Variants in DYRK2 observed in about 807,000 individuals in gnomAD.
The protein encoded by DYRK2 is dual specificity tyrosine phosphorylation regulated kinase 2, also known as dual specificity tyrosine-phosphorylation-regulated kinase 2.
Under a neutral mutation model 41.6 loss-of-function variants are expected in DYRK2, and 12 were observed. That is an observed-to-expected ratio of 0.29 (90% confidence interval 0.18 to 0.47). The LOEUF (loss-of-function observed/expected upper bound fraction) is 0.47, where lower values mean the gene tolerates loss of function less well. DYRK2 is among the 20% of genes least tolerant of loss of function. The pLI is 1.00. For synonymous variants in DYRK2, 322 were observed against 315.7 expected (o/e 1.02, Z -0.21); for missense variants, 678 against 798.4 (o/e 0.85, Z 1.82).
chr12:67,657,364 C>T lies in DYRK2; in HGVS notation c.457C>T (p.Pro153Ser). ...AGGCATGGGGAAGGTGAAAGCCACCCCCATGACACCTGAACAAGCAATGAA... is the reference window on the plus strand; with the variant it reads ...AGGCATGGGGAAGGTGAAAGCCACCTCCATGACACCTGAACAAGCAATGAA... The part of the protein sequence containing the change: ...MEGMGKVKAT[P>S]MTPEQAMKQY... Residue 153 changes from proline to serine, a missense_variant, in exon 3 of 3, where the codon CCC becomes TCC. Around this residue, in one of 2 missense-constraint regions of DYRK2, gnomAD observed 285 missense variants for 279.2 expected, o/e 1.02. Coordinates refer to ENST00000344096, the MANE Select transcript of DYRK2 (RefSeq NM_006482.3). The surrounding 1 kb of genome is among the most constrained non-coding windows in gnomAD (Gnocchi z 4.8). The T allele has an allele frequency of 6.2e-7, 1 of 1,614,128 alleles. No homozygotes were observed. Among genetic ancestry groups the T allele is most frequent in the Non-Finnish European group, 8.5e-7 (1 of 1,180,024 alleles).
At position 67,663,043 on chromosome 12, in the gene DYRK2, C is replaced by T. The variant is rs187712291; in HGVS notation, c.*4330C>T. 7.2e-5 allele frequency: 11 copies of T among 152,180 alleles called. No individual in the cohort carries two copies. In the East Asian group the frequency reaches 1.7e-3, roughly 24 times the overall value. 9.4% of individuals were successfully genotyped at this position (152,180 alleles called of 1,614,324 possible). A position where few individuals can be genotyped will look rare whatever the true frequency, so the allele number is the denominator to read the frequency against. On this transcript the variant is annotated 3_prime_UTR_variant, in exon 3 of 3. Coordinates refer to ENST00000344096, the MANE Select transcript of DYRK2 (RefSeq NM_006482.3). ...GATAGTTAAGCTGGGGGAGCAGAAC[C>T]TGTCAATTATTCCCCACCAGTCTTC...
rs1388356722 is a variant in DYRK2 at position 67,664,417 on chromosome 12, T to A, written c.*5704T>A. The A allele has an allele frequency of 2.0e-5, 3 of 152,142 alleles. No homozygotes were observed. The highest frequency in any genetic ancestry group is 4.4e-5 in the Non-Finnish European group (3 of 68,004). The allele number at this position is 152,142 out of a possible 1,614,324, so 9.4% of individuals were successfully genotyped here. A position where few individuals can be genotyped will look rare whatever the true frequency, so the allele number is the denominator to read the frequency against. On this transcript the variant is annotated 3_prime_UTR_variant, in exon 3 of 3. Transcript: ENST00000344096. ...GCAGCAAGAATATATTATGATTGTA[T>A]CACATGTTCCAGAAGAGCATTACCC... is the stretch of plus-strand genomic sequence containing the variant.
chr12:67,651,088 C>T (rs149094116), intron 2 of DYRK2, among the ~76,000 whole-genome samples: 1 of 152,122 alleles, frequency 6.6e-6, no homozygotes, highest in African/African-American at 2.4e-5. Context: ...TTACTATCTT[C>T]CCCCTCCCTC....
At position 67,657,837 on chromosome 12, in the gene DYRK2, G is replaced by A. The variant is rs755048915; in HGVS notation, c.930G>A (p.Glu310=). The change falls in exon 3 of 3, where the codon GAG becomes GAA. Residue 310 remains glutamate, a synonymous_variant. Coordinates refer to ENST00000344096, the MANE Select transcript of DYRK2 (RefSeq NM_006482.3). The surrounding 1 kb of genome is among the most constrained non-coding windows in gnomAD (Gnocchi z 4.8). ...TFELLSMNLY[E]LIKKNKFQGF... is the part of the protein sequence containing the mutation. ...AGCTGCTGAGCATGAACCTCTATGA[G>A]CTCATCAAGAAGAATAAATTCCAGG... The A allele has an allele frequency of 1.9e-6, 3 of 1,614,182 alleles. No individual in the cohort carries two copies. Among genetic ancestry groups the A allele is most frequent in the South Asian group, 1.1e-5 (1 of 91,080 alleles).
At position 67,657,741 on chromosome 12, in the gene DYRK2, G is replaced by T; in HGVS notation, c.834G>T (p.Lys278Asn). 2 of 1,614,178 alleles carry T rather than the reference G, an allele frequency of 1.2e-6. No individual in the cohort carries two copies. The highest frequency in any genetic ancestry group is 1.7e-6 in the Non-Finnish European group (2 of 1,180,046). The change falls in exon 3 of 3, where the codon AAG (lysine) becomes AAT (asparagine). Residue 278 changes from lysine (K) to asparagine (N), a missense_variant. Physicochemically the swap from Lys to Asn is moderately conservative, Grantham distance 94. Coordinates refer to ENST00000344096, the MANE Select transcript of DYRK2 (RefSeq NM_006482.3). The surrounding 1 kb of genome is among the most constrained non-coding windows in gnomAD (Gnocchi z 4.8). ...TGGAACACCTGCGGAAGCAGGACAA[G>T]GATAACACAATGAATGTCATCCATA... is the stretch of plus-strand genomic sequence containing the variant. ...RILEHLRKQD[K>N]DNTMNVIHML...
chr12:67,649,687 C>T, intron 1 of DYRK2, 110 bp from the exon 2 acceptor site: 1 of 1,176,948 alleles, frequency 8.5e-7, no homozygotes, highest in Non-Finnish European at 1.1e-6. Flanking sequence ...GTCTCTTCCT[C>T]CGTCTTTCTT....
At position 67,648,946 on chromosome 12, in the gene DYRK2, CGGCGGGCCCCGGCCGAGGG is replaced by C; in HGVS notation, c.-186_-168del. On this transcript the variant is annotated 5_prime_UTR_variant, in exon 1 of 3. An upstream open reading frame in the 5' UTR gains an earlier in-frame stop. Transcript: ENST00000344096. ...GAGGAGGAGAGCGGGGGGCTCGCGGCGGCGGGCCCCGGCCGAGGGGATGCAGTGGACTGTGTGTGTCTGG... is the reference window on the plus strand; with the variant it reads ...GAGGAGGAGAGCGGGGGGCTCGCGGCGATGCAGTGGACTGTGTGTGTCTGG... 2.5e-6 allele frequency: 1 copy of C among 393,862 alleles called. No homozygotes were observed. Among genetic ancestry groups the C allele is most frequent in the Non-Finnish European group, 4.4e-6 (1 of 225,094 alleles). The allele number at this position is 393,862 out of a possible 1,614,324, so 24.4% of individuals were successfully genotyped here. A position where few individuals can be genotyped will look rare whatever the true frequency, so the allele number is the denominator to read the frequency against.
chr12:67,651,277 A>AT (rs1250686849), intron 2 of DYRK2, among the ~76,000 whole-genome samples: 6 of 152,082 alleles, frequency 3.9e-5, no homozygotes, highest in Non-Finnish European at 7.4e-5. Flanking sequence ...AGGGGTTTGG[A>AT]TTTTTTTGTT....
chr12:67,655,544 TAGCATGGAGTATC>T (rs1872443519), intron 2 of DYRK2, among the ~76,000 whole-genome samples: 1 of 152,220 alleles, frequency 6.6e-6, no homozygotes, highest in Non-Finnish European at 1.5e-5. Context: ...TAAGGTCACC[TAGCATGGAGTATC>T]ATCTATGAGT....
At chr12:67,650,507 A>T (rs1335231517) in intron 2 of DYRK2, among the ~76,000 whole-genome samples, 1 of 152,152 alleles carries the variant, frequency 6.6e-6, no homozygotes, top group East Asian at 1.9e-4. Context: ...AATCAACATT[A>T]ACAAAAATAA....
chr12:67,658,577 C>T lies in DYRK2; in HGVS notation c.1670C>T (p.Thr557Ile), dbSNP rs754735753. Residue 557 changes from threonine to isoleucine, a missense_variant, in exon 3 of 3, where the codon ACC becomes ATC. Physicochemically the swap from Thr to Ile is moderately conservative, Grantham distance 89. This residue lies in a region of DYRK2 where 393 missense variants were observed against 519.1 expected (regional missense o/e 0.76). Coordinates refer to ENST00000344096, the MANE Select transcript of DYRK2 (RefSeq NM_006482.3). The surrounding 1 kb of genome is among the most constrained non-coding windows in gnomAD (Gnocchi z 4.3). The stretch of plus-strand genomic sequence containing the variant: ...TCAGTGAAAAGGATAACTGAGAGCA[C>T]CGGTGCTATCACATCTATATCCAAG... ...KTSVKRITESTGAITSISKLP... is the reference protein window; with the variant it reads ...KTSVKRITESIGAITSISKLP... 1.2e-6 allele frequency: 2 copies of T among 1,614,166 alleles called. No individual in the cohort carries two copies. The highest frequency in any genetic ancestry group is 1.7e-6 in the Non-Finnish European group (2 of 1,180,024).
chr12:67,650,262 G>T (rs1415838472), intron 2 of DYRK2, among the ~76,000 whole-genome samples: 1 of 152,162 alleles, frequency 6.6e-6, no homozygotes, highest in African/African-American at 2.4e-5. Flanking sequence ...GCATCCCAGA[G>T]TTCCCTTCCC....
Position 67,657,522 on chromosome 12 carries a change from T to TGAC in DYRK2, c.616_618dup (p.Asp206dup). 1 of 1,614,060 alleles carries TGAC rather than the reference T, an allele frequency of 6.2e-7. No individual in the cohort carries two copies. Among genetic ancestry groups the TGAC allele is most frequent in the Non-Finnish European group, 8.5e-7 (1 of 1,179,960 alleles). ...GGCCCAACAATGGTGGCTATGATGA[T>TGAC]GACCAGGGATCATATGTGCAGGTGC... On this transcript the variant is annotated inframe_insertion, in exon 3 of 3. Transcript: ENST00000344096. This position sits in a 1 kb window ranked among gnomAD's most constrained non-coding sequence, Gnocchi z 4.8.
chr12:67,655,351 G>A (rs1212070175), intron 2 of DYRK2, among the ~76,000 whole-genome samples: 2 of 152,132 alleles, frequency 1.3e-5, no homozygotes, highest in African/African-American at 4.8e-5. Flanking sequence ...TTATTGTCTG[G>A]TGTTTGAAAG....
rs371824230 is a variant in DYRK2, at chr12:67,655,445, C to T, written c.199-1661C>T. 8.5e-5 allele frequency among the ~76,000 whole-genome samples: 13 copies of T among 152,256 alleles called. No homozygotes were observed. In the East Asian group the frequency reaches 9.6e-4, roughly 11 times the overall value. ...AGCCTGTACCTCTTTTATATATGCC[C>T]AAGACTTGCCTGATTCATTTTTATG... is the stretch of plus-strand genomic sequence containing the variant. On this transcript the variant is annotated intron_variant, in intron 2 of 2. Coordinates refer to ENST00000344096, the MANE Select transcript of DYRK2 (RefSeq NM_006482.3).
At chr12:67,653,586 G>A (rs1329250568) in intron 2 of DYRK2, among the ~76,000 whole-genome samples, 3 of 152,152 alleles carry the variant, frequency 2.0e-5, no homozygotes, top group African/African-American at 7.2e-5. Context: ...AAGTCTGTGC[G>A]GATCCACTGC....
At position 67,661,274 on chromosome 12, in the gene DYRK2, C is replaced by G. The variant is rs575416897; in HGVS notation, c.*2561C>G. 6.0e-6 allele frequency: 1 copy of G among 167,168 alleles called. No individual in the cohort carries two copies. The highest frequency in any genetic ancestry group is 2.4e-5 in the African/African-American group (1 of 41,568). 10.4% of individuals were successfully genotyped at this position (167,168 alleles called of 1,614,324 possible). A position where few individuals can be genotyped will look rare whatever the true frequency, so the allele number is the denominator to read the frequency against. ...ATAAATTAATGAAGGCTCTGATAGG[C>G]TATTAGGAGTTGGCTTGGAAACAGT... is the stretch of plus-strand genomic sequence containing the variant. On this transcript the variant is annotated 3_prime_UTR_variant, in exon 3 of 3. Transcript: ENST00000344096.
intron 2 of DYRK2, among the ~76,000 whole-genome samples, chr12:67,652,025 C>G (rs963445406): frequency 6.6e-6 from 1 of 151,702 alleles, no homozygotes; most frequent in African/African-American, 2.4e-5. Context: ...GTAATTACAC[C>G]TAGGAAGAAC....
intron 2 of DYRK2, 129 bp from the exon 3 acceptor site, chr12:67,656,977 G>C: frequency 1.0e-6 from 1 of 974,440 alleles, no homozygotes; most frequent in Non-Finnish European, 1.4e-6. Flanking sequence ...ATGTTTTGTG[G>C]CTTTTACTCA....
Sources: gnomAD v4.1 joint callset for allele counts (sites outside exome capture counted in the v4.1 genomes callset) on GRCh38, gnomAD v4.1.1 for gene constraint, gnomAD v4.1.1 regional missense constraint, Gnocchi (gnomAD v3.1) non-coding constraint, MANE v1.5 for transcripts, NCBI Gene and HGNC (gene_info 2026-07-23, HGNC 2026-07-21) for gene names.